IRF2: variants seen among roughly 807,000 people sequenced by gnomAD.
The protein encoded by IRF2 is interferon regulatory factor 2.
IRF2 carries 15 observed loss-of-function variants against 40.6 expected under a neutral mutation model. That is an observed-to-expected ratio of 0.37 (90% CI 0.25 to 0.57). The LOEUF (loss-of-function observed/expected upper bound fraction) is 0.57. Among genes scored for constraint, IRF2 ranks in the 20% least tolerant of loss-of-function variants. IRF2 has a pLI of 0.77. For missense variants in IRF2, 317 were observed against 455.7 expected, an observed-to-expected ratio of 0.70 and a Z score of 2.77; for synonymous variants, 151 against 165.5, an observed-to-expected ratio of 0.91 and a Z score of 0.67.
intron 7 of IRF2, among the ~76,000 whole-genome samples, chr4:184,394,666 AGAT>A (rs56996314): frequency 0.12 from 17,684 of 152,156 alleles, 1,349 homozygotes; most frequent in Non-Finnish European, 0.17. Context: ...TGAGTCCTTC[AGAT>A]GATGTTTTCT....
chr4:184,393,729 G>A (rs1184313672), intron 7 of IRF2, among the ~76,000 whole-genome samples: 1 of 148,924 alleles, frequency 6.7e-6, no homozygotes, highest in Non-Finnish European at 1.5e-5. Context: ...TCGTCAGGAA[G>A]ATGCGCCCTA....
At chr4:184,422,702 C>T (rs1737525082) in intron 2 of IRF2, among the ~76,000 whole-genome samples, 1 of 152,102 alleles carries the variant, frequency 6.6e-6, no homozygotes, top group Admixed American at 6.5e-5. Flanking sequence ...TTGAATGATT[C>T]CATTTACATG....
intron 5 of IRF2, among the ~76,000 whole-genome samples, chr4:184,410,183 C>T (rs932520280): frequency 3.9e-5 from 6 of 152,198 alleles, no homozygotes; most frequent in Non-Finnish European, 8.8e-5. Context: ...ACCTCCACTC[C>T]TCACTGGTTG....
At chr4:184,446,824 G>A (rs772669370) in intron 1 of IRF2, among the ~76,000 whole-genome samples, 33 of 152,074 alleles carry the variant, frequency 2.2e-4, no homozygotes, top group African/African-American at 7.0e-4. Context: ...GCGTGGTGAC[G>A]GGCACCTGTA....
chr4:184,408,732 C>T lies in IRF2; in HGVS notation c.412-457G>A, dbSNP rs1469726026. Among the ~76,000 whole-genome samples, 1 of 152,158 alleles carries T rather than the reference C, an allele frequency of 6.6e-6. No individual in the cohort carries two copies. The highest frequency in any genetic ancestry group is 1.5e-5 in the Non-Finnish European group (1 of 68,034). On this transcript the variant is annotated intron_variant, in intron 5 of 8. Coordinates refer to ENST00000393593, the MANE Select transcript of IRF2 (RefSeq NM_002199.4). The surrounding 1 kb of genome is among the most constrained non-coding windows in gnomAD (Gnocchi z 4.9). ...GAAAAGCTCTGCCTCAGTGACTGGC[C>T]CAAGAACAGGAGCCCAGAGGACATT...
intron 5 of IRF2, among the ~76,000 whole-genome samples, chr4:184,415,175 T>C (rs1163673711): frequency 1.3e-5 from 2 of 152,198 alleles, no homozygotes; most frequent in Non-Finnish European, 2.9e-5. Flanking sequence ...GAAAGCACAA[T>C]GCAAGTAGAT....
At chr4:184,456,942 G>A (rs919271066) in intron 1 of IRF2, among the ~76,000 whole-genome samples, 1 of 152,236 alleles carries the variant, frequency 6.6e-6, no homozygotes, top group Non-Finnish European at 1.5e-5. Context: ...GAAGTGAAGA[G>A]TCCGGCAAAC....
chr4:184,428,961 C>T lies in IRF2; in HGVS notation c.87+17G>A, dbSNP rs777524826. On this transcript the variant is annotated intron_variant, in intron 2 of 8. Coordinates refer to ENST00000393593, the MANE Select transcript of IRF2 (RefSeq NM_002199.4). Reference sequence around the variant, plus strand: ...CCAGGACCTCTCTCACACATACACCCACCCTGACCCACTCACCTTGTTAAG... The same window carrying T: ...CCAGGACCTCTCTCACACATACACCTACCCTGACCCACTCACCTTGTTAAG... 3 of 1,607,188 alleles carry T rather than the reference C, an allele frequency of 1.9e-6. No homozygotes were observed. Among genetic ancestry groups the T allele is most frequent in the Non-Finnish European group, 2.6e-6 (3 of 1,173,646 alleles).
At chr4:184,430,488 C>A (rs1038484032) in intron 1 of IRF2, among the ~76,000 whole-genome samples, 1 of 152,302 alleles carries the variant, frequency 6.6e-6, no homozygotes, top group East Asian at 1.9e-4. Context: ...GCTTCCCAGA[C>A]CACTCCCGCC....
rs1226800975 is a variant in IRF2 at position 184,388,193 on chromosome 4, A to G, written c.*565T>C. 1 of 137,228 alleles carries G rather than the reference A, an allele frequency of 7.3e-6. No homozygotes were observed. Among genetic ancestry groups the G allele is most frequent in the African/African-American group, 2.7e-5 (1 of 37,422 alleles). The allele number at this position is 137,228 out of a possible 1,614,324, so 8.5% of individuals were successfully genotyped here. ...GAATGGAAGCTTTGAGGGAAGGAAA[A>G]GTAGGAAAAGAGCGGGATGGGATGG... On this transcript the variant is annotated 3_prime_UTR_variant, in exon 9 of 9. Coordinates refer to ENST00000393593, the MANE Select transcript of IRF2 (RefSeq NM_002199.4). This position sits in a 1 kb window ranked among gnomAD's most constrained non-coding sequence, Gnocchi z 4.6.
chr4:184,397,662 C>T (rs964895816), intron 7 of IRF2, among the ~76,000 whole-genome samples: 2 of 152,176 alleles, frequency 1.3e-5, no homozygotes, highest in Non-Finnish European at 2.9e-5. Flanking sequence ...GTGGCACCTA[C>T]TGGAGGACAT....
chr4:184,456,086 G>C (rs1353130629), intron 1 of IRF2, among the ~76,000 whole-genome samples: 1 of 152,174 alleles, frequency 6.6e-6, no homozygotes, highest in Non-Finnish European at 1.5e-5. Context: ...TGCCTGCCCT[G>C]CGGCCGCACA....
intron 6 of IRF2, among the ~76,000 whole-genome samples, chr4:184,402,033 C>T (rs1259660437): frequency 6.6e-6 from 1 of 152,182 alleles, no homozygotes; most frequent in Non-Finnish European, 1.5e-5. Context: ...ATTTATGGAA[C>T]ACCTGCTTGC....
At chr4:184,463,325 C>A (rs1739209428) in intron 1 of IRF2, among the ~76,000 whole-genome samples, 1 of 152,198 alleles carries the variant, frequency 6.6e-6, no homozygotes, top group Non-Finnish European at 1.5e-5. Flanking sequence ...TGATTGATTT[C>A]CTTATGCTGC....
chr4:184,399,936 T>C (rs1021929277), intron 6 of IRF2, among the ~76,000 whole-genome samples: 24 of 152,250 alleles, frequency 1.6e-4, no homozygotes, highest in African/African-American at 5.8e-4. Context: ...TGTGTGCCTT[T>C]TACTCAACTT....
At chr4:184,419,934 A>G (rs1249858350) in intron 2 of IRF2, among the ~76,000 whole-genome samples, 1 of 152,162 alleles carries the variant, frequency 6.6e-6, no homozygotes, top group Non-Finnish European at 1.5e-5. Context: ...GTGGCGCGAT[A>G]TCGGCTCACT....
intron 5 of IRF2, among the ~76,000 whole-genome samples, chr4:184,416,821 G>A (rs966136620): frequency 2.0e-5 from 3 of 152,110 alleles, no homozygotes; most frequent in African/African-American, 4.8e-5. Flanking sequence ...TGAGGTGGGC[G>A]AATCACTTAA....
chr4:184,460,729 A>G (rs1472967123), intron 1 of IRF2, among the ~76,000 whole-genome samples: 2 of 152,154 alleles, frequency 1.3e-5, no homozygotes, highest in East Asian at 3.9e-4. Flanking sequence ...GCGAAGAGAG[A>G]AAAGGAAGCA....
chr4:184,433,025 C>T (rs1561109581), intron 1 of IRF2, among the ~76,000 whole-genome samples: 1 of 152,168 alleles, frequency 6.6e-6, no homozygotes. Context: ...CCCCTGTGGA[C>T]AGCAGTCAGT....
Sources: allele counts gnomAD v4.1 joint callset (sites outside exome capture counted in the v4.1 genomes callset), GRCh38; gene constraint gnomAD v4.1.1; non-coding constraint Gnocchi (gnomAD v3.1); transcripts MANE v1.5; gene names NCBI Gene and HGNC (gene_info 2026-07-23, HGNC 2026-07-21).